Variants in KCNC4 observed in about 807,000 individuals in gnomAD.
The protein encoded by KCNC4 is voltage-gated potassium channel KCNC4.
A neutral mutation model predicts 42.8 loss-of-function variants in KCNC4; 23 were observed. That is an observed-to-expected ratio of 0.54 (90% CI 0.39 to 0.76). The LOEUF is 0.76. Ranked by LOEUF, KCNC4 falls within the 30% of genes least tolerant of loss-of-function variation. The pLI, the probability that KCNC4 is intolerant of heterozygous loss-of-function variation, is 0.00. For synonymous variants in KCNC4, 422 were observed against 393.5 expected (o/e 1.07, Z -0.86); for missense variants, 751 against 898.2 (o/e 0.84, Z 2.10).
intron 1 of KCNC4, among the ~76,000 whole-genome samples, chr1:110,276,236 G>C (rs1659722076): frequency 7.7e-6 from 1 of 130,450 alleles, no homozygotes; most frequent in Non-Finnish European, 1.5e-5. Flanking sequence ...TAAAAGCCCA[G>C]ACTTCACCAC....
chr1:110,271,733 GC>G (rs1294276101), intron 1 of KCNC4, among the ~76,000 whole-genome samples: 1 of 152,046 alleles, frequency 6.6e-6, no homozygotes, highest in African/African-American at 2.4e-5. Flanking sequence ...TCATGTGGGG[GC>G]TGTTTCTATT....
chr1:110,211,606 A>G lies in KCNC4; in HGVS notation c.107A>G (p.Glu36Gly). ...KEEMAKGEAS[E>G]KIIINVGGTR... is the part of the protein sequence containing the mutation. ...GAGATGGCCAAGGGCGAGGCGTCGG[A>G]GAAGATCATCATCAACGTGGGCGGC... Residue 36 changes from glutamate (E) to glycine (G), a missense_variant, in exon 1 of 4, where the codon GAG becomes GGG. Transcript: ENST00000438661. This position sits in a 1 kb window ranked among gnomAD's most constrained non-coding sequence, Gnocchi z 6.5. 1 of 1,614,036 alleles carries G rather than the reference A, an allele frequency of 6.2e-7. No homozygotes were observed. The highest frequency in any genetic ancestry group is 8.5e-7 in the Non-Finnish European group (1 of 1,179,960).
At chr1:110,216,290 T>A (rs1275516522) in intron 1 of KCNC4, among the ~76,000 whole-genome samples, 1 of 152,208 alleles carries the variant, frequency 6.6e-6, no homozygotes, top group Non-Finnish European at 1.5e-5. Flanking sequence ...ACCAGGAACC[T>A]GAGCCCAGGA....
chr1:110,210,904 C>CATGCCG lies in KCNC4; in HGVS notation c.-595_-590dup, dbSNP rs1657402353. Among the ~76,000 whole-genome samples the CATGCCG allele has an allele frequency of 6.6e-6, 1 of 150,802 alleles. No homozygotes were observed. The highest frequency in any genetic ancestry group is 1.5e-5 in the Non-Finnish European group (1 of 68,010). ...ATTTATGAATGGGGGGAAGAGGCCA[C>CATGCCG]ATGCCGCCGCCGCCGCCTCGTGTTG... On this transcript the variant is annotated 5_prime_UTR_variant, in exon 1 of 4. In the 5' UTR this introduces an upstream ATG that the reference lacks. Coordinates refer to ENST00000438661, the MANE Select transcript of KCNC4 (RefSeq NM_001039574.3).
rs1657366777 is a variant in KCNC4, at chr1:110,210,418, C to T, written c.-1082C>T. Among the ~76,000 whole-genome samples, 1 of 151,532 alleles carries T rather than the reference C, an allele frequency of 6.6e-6. No individual in the cohort carries two copies. The highest frequency in any genetic ancestry group is 1.5e-5 in the Non-Finnish European group (1 of 67,818). The stretch of plus-strand genomic sequence containing the variant: ...CCCCTCCCCTATGCCACCTCGCGCC[C>T]GCCCCCTGCCGCGCGCGAGCCAAGG... On this transcript the variant is annotated 5_prime_UTR_variant, in exon 1 of 4. Coordinates refer to ENST00000438661, the MANE Select transcript of KCNC4 (RefSeq NM_001039574.3).
At chr1:110,212,802 C>A (rs1427990165) in intron 1 of KCNC4, among the ~76,000 whole-genome samples, 2 of 152,166 alleles carry the variant, frequency 1.3e-5, no homozygotes, top group Non-Finnish European at 2.9e-5. Context: ...GGGAGGATAC[C>A]ATGCCCCTGA....
chr1:110,232,665 C>G lies in KCNC4; in HGVS notation c.1820-246C>G, dbSNP rs1266854658. The G allele has an allele frequency of 2.0e-6, 3 of 1,464,540 alleles. No homozygotes were observed. The East Asian group carries it at 7.4e-5, about 36-fold the overall frequency. 90.7% of individuals were successfully genotyped at this position (1,464,540 alleles called of 1,614,324 possible). ...GGTTGGCAGAGGGGTGAAGGGTTCA[C>G]CCCATTCCCTGACCCATCCATGCTC... On this transcript the variant is annotated intron_variant, in intron 3 of 3. Transcript: ENST00000438661.
At chr1:110,216,863 G>A (rs1222438931) in intron 1 of KCNC4, among the ~76,000 whole-genome samples, 2 of 152,142 alleles carry the variant, frequency 1.3e-5, no homozygotes, top group Non-Finnish European at 2.9e-5. Flanking sequence ...GACCTGGCTC[G>A]CTCTGGAGGG....
intron 1 of KCNC4, among the ~76,000 whole-genome samples, chr1:110,212,805 G>A (rs1201233936): frequency 6.6e-6 from 1 of 152,168 alleles, no homozygotes; most frequent in East Asian, 1.9e-4. Flanking sequence ...AGGATACCAT[G>A]CCCCTGAGGC....
intron 1 of KCNC4, among the ~76,000 whole-genome samples, chr1:110,280,218 C>T (rs762694388): frequency 6.6e-6 from 1 of 152,090 alleles, no homozygotes; most frequent in Non-Finnish European, 1.5e-5. Context: ...TAATTACATG[C>T]CTATGATGGC....
chr1:110,231,517 T>A (rs1658691564), intron 3 of KCNC4, among the ~76,000 whole-genome samples: 1 of 151,920 alleles, frequency 6.6e-6, no homozygotes, highest in South Asian at 2.1e-4. Context: ...TGTGACTCCT[T>A]CTGTCTCATC....
chr1:110,211,581 GAGATGGCCAAGGGCGAGGCGTCGGAGA>G lies in KCNC4; in HGVS notation c.87_113del (p.Met29_Lys37del), dbSNP rs1417765583. On this transcript the variant is annotated inframe_deletion, in exon 1 of 4. Coordinates refer to ENST00000438661, the MANE Select transcript of KCNC4 (RefSeq NM_001039574.3). This position sits in a 1 kb window ranked among gnomAD's most constrained non-coding sequence, Gnocchi z 6.5. ...TCCGTCCAAAACATGTCTGAAGGAG[GAGATGGCCAAGGGCGAGGCGTCGGAGA>G]AGATCATCATCAACGTGGGCGGCAC... 2 of 1,613,994 alleles carry G rather than the reference GAGATGGCCAAGGGCGAGGCGTCGGAGA, an allele frequency of 1.2e-6. No homozygotes were observed. The highest frequency in any genetic ancestry group is 4.5e-5 in the East Asian group (2 of 44,880).
chr1:110,233,063 G>A lies in KCNC4; in HGVS notation c.*91G>A. 6.9e-7 allele frequency: 1 copy of A among 1,459,168 alleles called. No individual in the cohort carries two copies. Among genetic ancestry groups the A allele is most frequent in the Non-Finnish European group, 9.3e-7 (1 of 1,070,834 alleles). 90.4% of individuals were successfully genotyped at this position (1,459,168 alleles called of 1,614,324 possible). ...ACCCAGACAAGAATCTTTTCGCTGG[G>A]AAAGACTCAGATATCCTTGTTTGCA... On this transcript the variant is annotated 3_prime_UTR_variant, in exon 4 of 4. Transcript: ENST00000438661.
At chr1:110,218,590 C>A (rs1021751991) in intron 1 of KCNC4, among the ~76,000 whole-genome samples, 2 of 151,836 alleles carry the variant, frequency 1.3e-5, no homozygotes, top group African/African-American at 2.4e-5. Flanking sequence ...TGTAAGGTCC[C>A]GGGGCAAGGG....
downstream of KCNC4, chr1:110,236,566 C>G (rs1029525567): frequency 2.0e-5 from 3 of 152,178 alleles, no homozygotes; most frequent in Non-Finnish European, 2.9e-5. Flanking sequence ...GTGTATGTAC[C>G]CCACCCCACA....
chr1:110,236,631 A>G (rs1658913829), downstream of KCNC4: 1 of 152,204 alleles, frequency 6.6e-6, no homozygotes, highest in Non-Finnish European at 1.5e-5. Context: ...AATTAGCAGC[A>G]GGCAACACCC....
At chr1:110,232,633 A>G in intron 3 of KCNC4, 1 of 1,442,114 alleles carries the variant, frequency 6.9e-7, no homozygotes, top group Non-Finnish European at 9.1e-7. Context: ...CTGAGTCACC[A>G]GAGTTGGGTT....
rs555395371 is a variant in KCNC4 at position 110,276,143 on chromosome 1, G to C, written n.31-6391G>C. On this transcript the variant is annotated intron_variant and non_coding_transcript_variant, in intron 1 of 2. Coordinates refer to the KCNC4 transcript ENST00000412512. Reference sequence around the variant, plus strand: ...TGGAATGATAGACACTGAAGACTCTGAAGGGTGGGAGTGTGGGAGTGGAGT... The same window carrying C: ...TGGAATGATAGACACTGAAGACTCTCAAGGGTGGGAGTGTGGGAGTGGAGT... 1.1e-4 allele frequency among the ~76,000 whole-genome samples: 17 copies of C among 152,028 alleles called. No individual in the cohort carries two copies. In the East Asian group the frequency reaches 3.1e-3, roughly 28 times the overall value.
intron 3 of KCNC4, 37 bp from the exon 4 acceptor site, chr1:110,232,874 C>T (rs755337843): frequency 1.4e-5 from 22 of 1,593,528 alleles, no homozygotes; most frequent in South Asian, 4.6e-5. Context: ...CGAAAGCGTG[C>T]GTCCCAGTGT....
Sources: allele counts gnomAD v4.1 joint callset (sites outside exome capture counted in the v4.1 genomes callset), GRCh38; gene constraint gnomAD v4.1.1; non-coding constraint Gnocchi (gnomAD v3.1); transcripts MANE v1.5; gene names NCBI Gene and HGNC (gene_info 2026-07-23, HGNC 2026-07-21).